Variants in SLCO3A1 observed in about 807,000 individuals in gnomAD.
SLCO3A1 encodes the protein PGE1 transporter.
SLCO3A1 carries 27 observed loss-of-function variants against 63.1 expected under a neutral mutation model. The observed-to-expected ratio is 0.43, with a 90% CI of 0.32 to 0.59. The LOEUF (loss-of-function observed/expected upper bound fraction) is 0.59, where lower values mean the gene tolerates loss of function less well. SLCO3A1 is among the 20% of genes least tolerant of loss of function. The probability of loss-of-function intolerance (pLI) is 0.09; values close to 1 mark genes in which losing one functional copy is unlikely to be tolerated. For missense variants in SLCO3A1, 773 were observed against 945.8 expected (o/e 0.82, Z 2.40); for synonymous variants, 473 against 409.9 (o/e 1.15, Z -1.86).
Position 91,863,818 on chromosome 15 carries a change from C to T in SLCO3A1, c.180+9730C>T, listed in dbSNP as rs952985933. Among the ~76,000 whole-genome samples the T allele has an allele frequency of 2.0e-5, 3 of 152,292 alleles. No homozygotes were observed. Among genetic ancestry groups the T allele is most frequent in the African/African-American group, 2.4e-5 (1 of 41,556 alleles). On this transcript the variant is annotated intron_variant, in intron 1 of 9. Transcript: ENST00000318445. The surrounding 1 kb of genome is among the most constrained non-coding windows in gnomAD (Gnocchi z 4.3). ...TGACTTATTGTGTGGCATGTCGTGT[C>T]GCCTCCCCAGTGCTGGTACATACTT...
In SLCO3A1 at chr15:91,865,927, A is replaced by G. The variant is rs1050700576; in HGVS notation, c.180+11839A>G. 7.9e-5 allele frequency among the ~76,000 whole-genome samples: 12 copies of G among 152,164 alleles called. No individual in the cohort carries two copies. The highest frequency in any genetic ancestry group is 2.7e-4 in the African/African-American group (11 of 41,434). On this transcript the variant is annotated intron_variant, in intron 1 of 9. Transcript: ENST00000318445. This position sits in a 1 kb window ranked among gnomAD's most constrained non-coding sequence, Gnocchi z 4.6. ...GTGTGTACAAAGAAAACAAAGGCAA[A>G]CTCTGTCTTCTTAAGTGTTTGGGTG...
rs377251941 is a variant in SLCO3A1 at position 92,143,432 on chromosome 15, T to A, written c.1513-3552T>A. Among the ~76,000 whole-genome samples the A allele has an allele frequency of 2.2e-3, 14 of 6,258 alleles. 4 individuals carry two copies. Among genetic ancestry groups the A allele is most frequent in the Admixed American group, 0.013 (3 of 226 alleles). 4.1% of individuals were successfully genotyped at this position (6,258 alleles called of 152,430 possible). A position where few individuals can be genotyped will look rare whatever the true frequency, so the allele number is the denominator to read the frequency against. On this transcript the variant is annotated intron_variant, in intron 7 of 9. Transcript: ENST00000318445. ...TAATATATATATTATATATATATAA[T>A]ATATATAATATATATATAATATATA...
At chr15:92,024,764 G>A (rs1013917855) in intron 2 of SLCO3A1, among the ~76,000 whole-genome samples, 17 of 152,280 alleles carry the variant, frequency 1.1e-4, no homozygotes, top group South Asian at 4.1e-4. Context: ...AGTAGGCCAC[G>A]GAAAACCTCT....
intron 2 of SLCO3A1, among the ~76,000 whole-genome samples, chr15:92,027,411 AG>A (rs1338910081): frequency 6.6e-6 from 1 of 152,214 alleles, no homozygotes; most frequent in Non-Finnish European, 1.5e-5. Context: ...CATTTGACGA[AG>A]GTACCGTCAT....
At chr15:92,003,493 C>A (rs1397585468) in intron 2 of SLCO3A1, among the ~76,000 whole-genome samples, 1 of 152,190 alleles carries the variant, frequency 6.6e-6, no homozygotes, top group Non-Finnish European at 1.5e-5. Flanking sequence ...ATTCTGCCTC[C>A]CCCTTCCCAT....
intron 9 of SLCO3A1, among the ~76,000 whole-genome samples, chr15:92,151,956 C>T (rs1221173325): frequency 6.6e-6 from 1 of 152,188 alleles, no homozygotes; most frequent in East Asian, 1.9e-4. Flanking sequence ...TTAGTTAAAT[C>T]AGTTATGGTC....
exon 11 of SLCO3A1, chr15:92,171,803 A>T: frequency 6.4e-7 from 1 of 1,551,402 alleles, no homozygotes; most frequent in South Asian, 1.2e-5. Context: ...AGACATTGAG[A>T]CTGAGAAAAC....
At chr15:92,003,219 T>C (rs931352579) in intron 2 of SLCO3A1, among the ~76,000 whole-genome samples, 8 of 152,234 alleles carry the variant, frequency 5.3e-5, no homozygotes, top group Non-Finnish European at 7.3e-5. Context: ...GGAACCGTGC[T>C]GAGCATAGTA....
chr15:91,877,991 G>A lies in SLCO3A1; in HGVS notation c.180+23903G>A, dbSNP rs147262971. Among the ~76,000 whole-genome samples the A allele has an allele frequency of 4.6e-3, 692 of 152,082 alleles. 10 individuals carry two copies. Among genetic ancestry groups the A allele is most frequent in the African/African-American group, 0.016 (653 of 41,478 alleles). ...GGCTTTCCTTAGGTGAGGCTGCACCGGAACAGAGAGAACTGTGCTGACAAC... is the reference window on the plus strand; with the variant it reads ...GGCTTTCCTTAGGTGAGGCTGCACCAGAACAGAGAGAACTGTGCTGACAAC... On this transcript the variant is annotated intron_variant, in intron 1 of 9. Transcript: ENST00000318445.
chr15:91,864,078 G>C (rs1897108726), intron 1 of SLCO3A1, among the ~76,000 whole-genome samples: 1 of 152,222 alleles, frequency 6.6e-6, no homozygotes. Flanking sequence ...ACTAGGCTCA[G>C]AGTGGCACGT....
At chr15:92,059,575 C>G (rs1356807931) in intron 2 of SLCO3A1, among the ~76,000 whole-genome samples, 1 of 152,222 alleles carries the variant, frequency 6.6e-6, no homozygotes, top group East Asian at 1.9e-4. Context: ...ACCGTGAGCT[C>G]TGTGCCCCCG....
intron 2 of SLCO3A1, among the ~76,000 whole-genome samples, chr15:91,924,525 TAAAA>T (rs894552645): frequency 6.6e-6 from 1 of 151,966 alleles, no homozygotes; most frequent in Admixed American, 6.5e-5. Context: ...TGCAAATAAA[TAAAA>T]CACGAAAAAA....
At chr15:91,963,408 T>TGGGG (rs67196103) in intron 2 of SLCO3A1, among the ~76,000 whole-genome samples, 2 of 22,940 alleles carry the variant, frequency 8.7e-5, no homozygotes, top group African/African-American at 6.0e-4. Context: ...TCGGGGAGGG[T>TGGGG]GGGGGGGGGG....
At position 92,013,584 on chromosome 15, in the gene SLCO3A1, C is replaced by G. The variant is rs556677106; in HGVS notation, c.647-81297C>G. On this transcript the variant is annotated intron_variant, in intron 2 of 9. Transcript: ENST00000318445. Reference sequence around the variant, plus strand: ...CGCCGAGTTAGGTTACACTTCTCAGCTGATGACTTAAAGTATTAAGAAGAG... The same window carrying G: ...CGCCGAGTTAGGTTACACTTCTCAGGTGATGACTTAAAGTATTAAGAAGAG... Among the ~76,000 whole-genome samples, 3 of 152,336 alleles carry G rather than the reference C, an allele frequency of 2.0e-5. No individual in the cohort carries two copies. The South Asian group carries it at 6.2e-4, about 32-fold the overall frequency.
intron 2 of SLCO3A1, among the ~76,000 whole-genome samples, chr15:92,007,060 C>T (rs758494649): frequency 1.8e-4 from 28 of 152,212 alleles, no homozygotes; most frequent in Admixed American, 4.6e-4. Flanking sequence ...CATTGCACAA[C>T]AGTTTATAAA....
intron 2 of SLCO3A1, among the ~76,000 whole-genome samples, chr15:91,998,331 G>T (rs1404533053): frequency 6.6e-6 from 1 of 152,078 alleles, no homozygotes; most frequent in Non-Finnish European, 1.5e-5. Context: ...GCGCACCCCT[G>T]TAATCCCAGC....
chr15:91,955,770 A>G (rs1006933720), intron 2 of SLCO3A1, among the ~76,000 whole-genome samples: 2 of 152,228 alleles, frequency 1.3e-5, no homozygotes, highest in Non-Finnish European at 2.9e-5. Flanking sequence ...TCTTGTGCAT[A>G]TACCATTAAT....
At chr15:92,099,897 A>G (rs1032700031) in intron 3 of SLCO3A1, among the ~76,000 whole-genome samples, 3 of 152,008 alleles carry the variant, frequency 2.0e-5, no homozygotes, top group Non-Finnish European at 4.4e-5. Context: ...CCCTGTCTCT[A>G]CTAAAAATAC....
rs146075125 is a variant in SLCO3A1, at chr15:92,106,761, A to G, written c.1009+2219A>G. Among the ~76,000 whole-genome samples the G allele has an allele frequency of 1.2e-3, 181 of 152,352 alleles. No homozygotes were observed. In the Middle Eastern group the frequency reaches 0.014, roughly 11 times the overall value. On this transcript the variant is annotated intron_variant, in intron 4 of 9. Coordinates refer to ENST00000318445, the MANE Select transcript of SLCO3A1 (RefSeq NM_013272.4). ...CCAGTGTTTTGAGAACCGCAATAACAAGCAGCACAGGTGGTTACAGAAATG... is the reference window on the plus strand; with the variant it reads ...CCAGTGTTTTGAGAACCGCAATAACGAGCAGCACAGGTGGTTACAGAAATG...
Sources: allele counts gnomAD v4.1 joint callset (sites outside exome capture counted in the v4.1 genomes callset), GRCh38; gene constraint gnomAD v4.1.1; non-coding constraint Gnocchi (gnomAD v3.1); transcripts MANE v1.5; gene names NCBI Gene and HGNC (gene_info 2026-07-23, HGNC 2026-07-21).